The following AKAP13 variants were observed in gnomAD, a reference collection of about 807,000 sequenced individuals.
AKAP13 encodes the protein A-kinase anchoring protein 13.
A neutral mutation model predicts 264.5 loss-of-function variants in AKAP13; 80 were observed. The ratio of observed to expected loss-of-function variants is 0.30; its 90% CI spans 0.25 to 0.36. The LOEUF (loss-of-function observed/expected upper bound fraction) is 0.36. Among genes scored for constraint, AKAP13 ranks in the 10% least tolerant of loss-of-function variants. AKAP13 has a pLI of 1.00. For missense variants in AKAP13, 3,712 were observed against 3,435.2 expected (o/e 1.08, Z -2.01); for synonymous variants, 1,380 against 1,250.2 (o/e 1.10, Z -2.19).
At position 85,428,637 on chromosome 15, in the gene AKAP13, C is replaced by T. The variant is rs77079654; in HGVS notation, c.-12+47839C>T. On this transcript the variant is annotated intron_variant, in intron 1 of 36. Coordinates refer to ENST00000394518, the MANE Select transcript of AKAP13 (RefSeq NM_007200.5). ...TAAATGATCATTTGTGGGTTTGTAC[C>T]CATGCTACTAATGTCTTGTTTCTAA... Among the ~76,000 whole-genome samples, 959 of 152,254 alleles carry T rather than the reference C, an allele frequency of 6.3e-3. 9 individuals are homozygous for T. Among genetic ancestry groups the T allele is most frequent in the African/African-American group, 0.022 (908 of 41,532 alleles).
intron 1 of AKAP13, among the ~76,000 whole-genome samples, chr15:85,444,452 C>T (rs1255441413): frequency 6.6e-6 from 1 of 152,198 alleles, no homozygotes; most frequent in Non-Finnish European, 1.5e-5. Context: ...AATGTTTTCA[C>T]ATCTCTTATT....
intron 8 of AKAP13, among the ~76,000 whole-genome samples, chr15:85,630,020 G>A (rs2081631886): frequency 6.6e-6 from 1 of 151,554 alleles, no homozygotes; most frequent in Non-Finnish European, 1.5e-5. Context: ...GCTCACAGTT[G>A]CCAAATTCAG....
chr15:85,605,330 G>A (rs942125587), intron 8 of AKAP13, among the ~76,000 whole-genome samples: 2 of 152,192 alleles, frequency 1.3e-5, no homozygotes, highest in Non-Finnish European at 2.9e-5. Flanking sequence ...CAGGGACATG[G>A]ATGGAGCTGG....
chr15:85,743,454 A>G, intron 35 of AKAP13, 38 bp from the exon 36 acceptor site: 3 of 1,589,102 alleles, frequency 1.9e-6, no homozygotes, highest in Non-Finnish European at 2.6e-6. Flanking sequence ...GGACGCTGAC[A>G]GCCTCCAAGT....
At chr15:85,384,922 G>T (rs1297277337) in intron 1 of AKAP13, among the ~76,000 whole-genome samples, 1 of 152,174 alleles carries the variant, frequency 6.6e-6, no homozygotes, top group Non-Finnish European at 1.5e-5. Context: ...TACCGTGATT[G>T]TATGAACATT....
At chr15:85,633,930 C>T (rs1213380697) in intron 8 of AKAP13, among the ~76,000 whole-genome samples, 3 of 151,874 alleles carry the variant, frequency 2.0e-5, no homozygotes, top group African/African-American at 4.8e-5. Flanking sequence ...TTTGTGGTTA[C>T]TTCCTTATTG....
chr15:85,476,831 CT>C (rs2075179432), intron 1 of AKAP13, among the ~76,000 whole-genome samples: 1 of 152,092 alleles, frequency 6.6e-6, no homozygotes, highest in South Asian at 2.1e-4. Context: ...ATCCAAGTGG[CT>C]TGTCTATCGT....
At position 85,581,096 on chromosome 15, in the gene AKAP13, C is replaced by G. The variant is rs1177290309; in HGVS notation, c.3028C>G (p.Gln1010Glu). The change falls in exon 7 of 37, where the codon CAA (glutamine) becomes GAA (glutamate). Residue 1010 changes from glutamine (Q) to glutamate (E), a missense_variant. This residue lies in a region of AKAP13 where 2,759 missense variants were observed against 2,411.7 expected (regional missense o/e 1.14). Coordinates refer to ENST00000394518, the MANE Select transcript of AKAP13 (RefSeq NM_007200.5). Reference protein sequence around the residue: ...EVAPQVSLLTQGGAAQSLVPP... With the variant: ...EVAPQVSLLTEGGAAQSLVPP... ...GGCCCCACAAGTCTCACTGCTGACT[C>G]AAGGTGGGGCTGCCCAGAGCCTGGT... The G allele has an allele frequency of 1.2e-6, 2 of 1,614,016 alleles. No homozygotes were observed. The highest frequency in any genetic ancestry group is 1.7e-6 in the Non-Finnish European group (2 of 1,179,932).
chr15:85,680,693 T>C (rs1369164744), intron 14 of AKAP13, among the ~76,000 whole-genome samples: 1 of 152,178 alleles, frequency 6.6e-6, no homozygotes, highest in African/African-American at 2.4e-5. Context: ...GGCGAGTCCC[T>C]GTTTCTAAAA....
chr15:85,621,224 T>C (rs1440791212), intron 8 of AKAP13: 1 of 152,190 alleles, frequency 6.6e-6, no homozygotes, highest in African/African-American at 2.4e-5. Context: ...CAAAAACCAA[T>C]GAAATGCCAT....
At chr15:85,576,798 T>G (rs752950563) in intron 6 of AKAP13, among the ~76,000 whole-genome samples, 1 of 152,230 alleles carries the variant, frequency 6.6e-6, no homozygotes, top group Admixed American at 6.5e-5. Flanking sequence ...AGGTTTTTCC[T>G]TAGAGCTCTT....
Position 85,743,599 on chromosome 15 carries a change from C to T in AKAP13, c.8166C>T (p.Asp2722=). 1.9e-6 allele frequency: 3 copies of T among 1,614,154 alleles called. No homozygotes were observed. The highest frequency in any genetic ancestry group is 2.5e-6 in the Non-Finnish European group (3 of 1,180,024). The change falls in exon 36 of 37, where the codon GAC becomes GAT. Residue 2722 remains aspartate (D), a synonymous_variant. Coordinates refer to ENST00000394518, the MANE Select transcript of AKAP13 (RefSeq NM_007200.5). ...CCATAGCCAAATCAGGGTCATTGGA[C>T]TCAGAACTTTCAGTGTCCCCAAAAA... ...APSIAKSGSL[D]SELSVSPKRN... is the part of the protein sequence containing the mutation.
At chr15:85,570,879 A>G (rs1340079081) in intron 5 of AKAP13, among the ~76,000 whole-genome samples, 1 of 152,164 alleles carries the variant, frequency 6.6e-6, no homozygotes, top group Non-Finnish European at 1.5e-5. Context: ...CAAGGAGGGC[A>G]GGAAGAAACA....
intron 29 of AKAP13, among the ~76,000 whole-genome samples, chr15:85,729,973 AAAG>A (rs2087885097): frequency 6.6e-6 from 1 of 152,152 alleles, no homozygotes; most frequent in Admixed American, 6.5e-5. Flanking sequence ...AACAAAAAAA[AAAG>A]AAGACAGCTC....
chr15:85,741,729 C>CAAAAAAAAA (rs112524984), intron 35 of AKAP13, among the ~76,000 whole-genome samples: 1 of 82,272 alleles, frequency 1.2e-5, no homozygotes, highest in African/African-American at 3.4e-5. Flanking sequence ...AACAAACAAA[C>CAAAAAAAAA]AAAAAAAAAA....
Position 85,747,036 on chromosome 15 carries a change from GTCT to G in AKAP13, c.*2361_*2363del, listed in dbSNP as rs1472132907. 1.3e-5 allele frequency: 2 copies of G among 152,158 alleles called. No individual in the cohort carries two copies. The highest frequency in any genetic ancestry group is 4.8e-5 in the African/African-American group (2 of 41,424). The allele number at this position is 152,158 out of a possible 1,614,324, so 9.4% of individuals were successfully genotyped here. ...TTCATCTGCTTTGGTTGTTTTGGTG[GTCT>G]TTTTTAAAAATAGAGATTTCACATC... is the stretch of plus-strand genomic sequence containing the variant. On this transcript the variant is annotated 3_prime_UTR_variant, in exon 37 of 37. Coordinates refer to ENST00000394518, the MANE Select transcript of AKAP13 (RefSeq NM_007200.5).
chr15:85,723,686 A>G (rs992689813), intron 26 of AKAP13, among the ~76,000 whole-genome samples: 2 of 152,216 alleles, frequency 1.3e-5, no homozygotes, highest in Non-Finnish European at 2.9e-5. Flanking sequence ...GGCAAAACTC[A>G]CAAGGAGGGA....
chr15:85,458,335 A>G (rs921183986), intron 1 of AKAP13, among the ~76,000 whole-genome samples: 3 of 150,396 alleles, frequency 2.0e-5, no homozygotes, highest in African/African-American at 7.4e-5. Flanking sequence ...AATAATCACT[A>G]TGAACATTTG....
intron 1 of AKAP13, among the ~76,000 whole-genome samples, chr15:85,392,018 C>T (rs561650588): frequency 2.0e-5 from 3 of 150,776 alleles, no homozygotes; most frequent in Non-Finnish European, 3.0e-5. Context: ...CTCCTGACCT[C>T]GTGATCCACC....
Sources: gnomAD v4.1 joint callset for allele counts (sites outside exome capture counted in the v4.1 genomes callset) on GRCh38, gnomAD v4.1.1 for gene constraint, gnomAD v4.1.1 regional missense constraint, MANE v1.5 for transcripts, NCBI Gene and HGNC (gene_info 2026-07-23, HGNC 2026-07-21) for gene names.